Variants in EVC2 observed in about 807,000 individuals in gnomAD.
The protein encoded by EVC2 is EvC ciliary complex subunit 2.
In EVC2, 148 loss-of-function variants were observed where a neutral mutation model predicts 149.3. That is an observed-to-expected ratio of 0.99 (90% CI 0.87 to 1.14). The LOEUF (loss-of-function observed/expected upper bound fraction) is 1.14. EVC2 is among the 50% of genes most tolerant of loss of function. The pLI is 0.00. For missense variants in EVC2, 1,854 were observed against 1,627.3 expected (o/e 1.14, Z -2.40); for synonymous variants, 776 against 649.9 (o/e 1.19, Z -2.95).
intron 1 of EVC2, among the ~76,000 whole-genome samples, chr4:5,697,964 G>C (rs989720286): frequency 1.6e-4 from 25 of 151,852 alleles, no homozygotes; most frequent in Non-Finnish European, 3.2e-4. Context: ...TATTAGTCAG[G>C]ATGGTCTCCA....
chr4:5,665,493 AC>A (rs752262025), intron 8 of EVC2, 21 bp downstream of exon 8: 1 of 1,613,706 alleles, frequency 6.2e-7, no homozygotes, highest in Non-Finnish European at 8.5e-7. Flanking sequence ...CACCTTCCAA[AC>A]CACCCTCAGG....
At chr4:5,691,563 G>T (rs1249981428) in intron 3 of EVC2, among the ~76,000 whole-genome samples, 1 of 152,188 alleles carries the variant, frequency 6.6e-6, no homozygotes, top group Non-Finnish European at 1.5e-5. Context: ...TTCCTGGTCT[G>T]GGTGCAAGTG....
At chr4:5,621,905 G>A (rs1715714015) in intron 14 of EVC2, among the ~76,000 whole-genome samples, 1 of 152,160 alleles carries the variant, frequency 6.6e-6, no homozygotes, top group South Asian at 2.1e-4. Flanking sequence ...CAGCAGGAGT[G>A]TTAGGTGTGG....
At chr4:5,539,226 G>T (rs897697023), downstream of EVC2, among the ~76,000 whole-genome samples, 3 of 152,164 alleles carry the variant, frequency 2.0e-5, no homozygotes, top group African/African-American at 7.2e-5. Context: ...AATATTTATG[G>T]ATGAATCTGA....
chr4:5,663,428 A>G (rs1719037800), intron 8 of EVC2, among the ~76,000 whole-genome samples, 182 bp from the exon 9 acceptor site: 1 of 152,194 alleles, frequency 6.6e-6, no homozygotes, highest in Non-Finnish European at 1.5e-5. Flanking sequence ...TTCTCTGCAA[A>G]GAAATGGGAT....
intron 9 of EVC2, among the ~76,000 whole-genome samples, chr4:5,661,290 G>T (rs1212708164): frequency 4.6e-5 from 7 of 152,164 alleles, no homozygotes; most frequent in Non-Finnish European, 1.0e-4. Flanking sequence ...AATTTGATCT[G>T]GGAGAAATGA....
At chr4:5,605,791 C>T (rs1386232476) in intron 16 of EVC2, among the ~76,000 whole-genome samples, 1 of 152,188 alleles carries the variant, frequency 6.6e-6, no homozygotes, top group Non-Finnish European at 1.5e-5. Flanking sequence ...CAGAATGTCC[C>T]TGCACCGAGT....
chr4:5,600,423 A>G (rs1162403740), intron 16 of EVC2, among the ~76,000 whole-genome samples: 1 of 152,136 alleles, frequency 6.6e-6, no homozygotes, highest in East Asian at 1.9e-4. Flanking sequence ...AGGTTTCTTC[A>G]TTTCTAATGA....
In EVC2 at chr4:5,696,106, A is replaced by T. The variant is rs1039160686; in HGVS notation, c.283+1487T>A. 6.6e-6 allele frequency among the ~76,000 whole-genome samples: 1 copy of T among 152,184 alleles called. No individual in the cohort carries two copies. Among genetic ancestry groups the T allele is most frequent in the Non-Finnish European group, 1.5e-5 (1 of 68,038 alleles). ...AGCATCGGGAATGTCTGAGTAGAGC[A>T]TATGGGTGCAAGTGAGACCGGACAT... is the stretch of plus-strand genomic sequence containing the variant. On this transcript the variant is annotated intron_variant, in intron 2 of 21. Coordinates refer to ENST00000344408, the MANE Select transcript of EVC2 (RefSeq NM_147127.5). The surrounding 1 kb of genome is among the most constrained non-coding windows in gnomAD (Gnocchi z 4.1).
chr4:5,699,756 G>C (rs373890757), intron 1 of EVC2, among the ~76,000 whole-genome samples: 69 of 152,040 alleles, frequency 4.5e-4, no homozygotes, highest in Non-Finnish European at 9.3e-4. Context: ...CCAGGAGGTC[G>C]AGGCTGCAGT....
intron 21 of EVC2, among the ~76,000 whole-genome samples, chr4:5,551,746 C>G (rs1425827466): frequency 9.2e-5 from 14 of 152,122 alleles, no homozygotes; most frequent in East Asian, 1.9e-4. Context: ...TGAATTCCCA[C>G]GTGTTGTGGG....
the EVC2 span, among the ~76,000 whole-genome samples, chr4:5,536,582 A>G: frequency 5.3e-5 from 8 of 152,142 alleles, no homozygotes; most frequent in Non-Finnish European, 1.0e-4. Context: ...CAGGAGATCG[A>G]GACCATCTTG....
intron 1 of EVC2, among the ~76,000 whole-genome samples, chr4:5,706,353 G>GATAGATAGATAGAT (rs1560243287): frequency 2.1e-4 from 3 of 14,080 alleles, no homozygotes; most frequent in African/African-American, 6.8e-4. Context: ...TAGATAGATA[G>GATAGATAGATAGAT]ACACATAGAT....
chr4:5,682,948 G>T (rs1025977274), intron 6 of EVC2, among the ~76,000 whole-genome samples: 4 of 151,534 alleles, frequency 2.6e-5, no homozygotes, highest in Admixed American at 1.3e-4. Context: ...TTACAGACGC[G>T]ACTAAGGCAT....
chr4:5,689,360 AG>A lies in EVC2; in HGVS notation c.520-18del. 1 of 1,613,660 alleles carries A rather than the reference AG, an allele frequency of 6.2e-7. No homozygotes were observed. The highest frequency in any genetic ancestry group is 8.5e-7 in the Non-Finnish European group (1 of 1,179,984). ...CCCAGACACCTAGGGCAGAAGGAGA[AG>A]GCATGAGGGCAGATTTGCTGACAAG... On this transcript the variant is annotated intron_variant, in intron 4 of 21. Coordinates refer to ENST00000344408, the MANE Select transcript of EVC2 (RefSeq NM_147127.5).
Position 5,628,608 on chromosome 4 carries a change from G to A in EVC2, c.1837C>T (p.Leu613=). The change falls in exon 12 of 22, where the codon CTG becomes TTG. Residue 613 remains leucine, a synonymous_variant. Coordinates refer to ENST00000344408, the MANE Select transcript of EVC2 (RefSeq NM_147127.5). The stretch of plus-strand genomic sequence containing the variant: ...GTCAGCTGGGCTGCAGCGGTGCTCA[G>A]AAGGCCCTGCACACGGGTCTCTGAT... ...QSSETRVQGL[L]STAAAQLTHL... 6.2e-7 allele frequency: 1 copy of A among 1,614,112 alleles called. No individual in the cohort carries two copies. The highest frequency in any genetic ancestry group is 1.1e-5 in the South Asian group (1 of 91,078).
intron 12 of EVC2, among the ~76,000 whole-genome samples, chr4:5,627,741 C>T (rs562859898): frequency 2.4e-4 from 37 of 152,224 alleles, no homozygotes; most frequent in Admixed American, 9.1e-4. Flanking sequence ...CCACAGGATC[C>T]CAGGTGCTGC....
intron 19 of EVC2, among the ~76,000 whole-genome samples, chr4:5,573,765 G>A (rs946655515): frequency 5.3e-5 from 8 of 152,146 alleles, no homozygotes; most frequent in South Asian, 2.1e-4. Context: ...CCAGCTGGAC[G>A]CCTAAAAGCG....
In EVC2 at chr4:5,584,722, G is replaced by A. The variant is rs567792423; in HGVS notation, c.2958C>T (p.Thr986=). 86 of 1,614,142 alleles carry A rather than the reference G, an allele frequency of 5.3e-5. No individual in the cohort carries two copies. Among genetic ancestry groups the A allele is most frequent in the Admixed American group, 3.7e-4 (22 of 60,028 alleles). ...SRVTETLSAY[T]ALLSIQDLLL... is the part of the protein sequence containing the mutation. ...GCAAGTCCTGGATGCTGAGGAGGGCGGTGTAGGCCGACAGAGTCTCGGTCA... is the reference window on the plus strand; with the variant it reads ...GCAAGTCCTGGATGCTGAGGAGGGCAGTGTAGGCCGACAGAGTCTCGGTCA... The change falls in exon 17 of 22, where the codon ACC becomes ACT. Residue 986 remains threonine, a synonymous_variant. Coordinates refer to ENST00000344408, the MANE Select transcript of EVC2 (RefSeq NM_147127.5).
Sources: allele counts gnomAD v4.1 joint callset (sites outside exome capture counted in the v4.1 genomes callset), GRCh38; gene constraint gnomAD v4.1.1; non-coding constraint Gnocchi (gnomAD v3.1); transcripts MANE v1.5; gene names NCBI Gene and HGNC (gene_info 2026-07-23, HGNC 2026-07-21).